TMEM132D: variants seen among roughly 807,000 people sequenced by gnomAD.
The protein encoded by TMEM132D is transmembrane protein 132D.
Under a neutral mutation model 62.3 loss-of-function variants are expected in TMEM132D, and 21 were observed. The ratio of observed to expected loss-of-function variants is 0.34; its 90% CI spans 0.24 to 0.49. The LOEUF (loss-of-function observed/expected upper bound fraction) is 0.49, where lower values mean the gene tolerates loss of function less well. Among genes scored for constraint, TMEM132D ranks in the 20% least tolerant of loss-of-function variants. The pLI, the probability that TMEM132D is intolerant of heterozygous loss-of-function variation, is 0.99. For synonymous variants in TMEM132D, 621 were observed against 575.6 expected (o/e 1.08, Z -1.13); for missense variants, 1,346 against 1,402.8 (o/e 0.96, Z 0.65).
At chr12:129,314,947 G>C (rs971695176) in intron 4 of TMEM132D, among the ~76,000 whole-genome samples, 1 of 151,956 alleles carries the variant, frequency 6.6e-6, no homozygotes, top group Admixed American at 6.6e-5. Flanking sequence ...TCTCCACTTG[G>C]TTGCTGTTGG....
At chr12:129,428,129 A>G (rs1482308626) in intron 3 of TMEM132D, among the ~76,000 whole-genome samples, 3 of 152,214 alleles carry the variant, frequency 2.0e-5, no homozygotes, top group Non-Finnish European at 4.4e-5. Context: ...AAAACCAGGA[A>G]GATGAAAGGT....
At chr12:129,686,189 G>A (rs940019064) in intron 2 of TMEM132D, among the ~76,000 whole-genome samples, 17 of 152,066 alleles carry the variant, frequency 1.1e-4, no homozygotes, top group Admixed American at 1.3e-4. Flanking sequence ...GAGAGGCCAG[G>A]GGTGGAATGA....
chr12:129,470,997 A>G (rs1874077706), intron 3 of TMEM132D, among the ~76,000 whole-genome samples: 1 of 152,140 alleles, frequency 6.6e-6, no homozygotes, highest in East Asian at 1.9e-4. Flanking sequence ...TGGGTGCATG[A>G]GCATTTCTGG....
intron 5 of TMEM132D, among the ~76,000 whole-genome samples, chr12:129,204,403 T>C (rs149797638): frequency 3.3e-5 from 5 of 152,246 alleles, no homozygotes; most frequent in Admixed American, 6.5e-5. Flanking sequence ...AAAAGCAGAA[T>C]AGACCTAGCT....
rs869069705 is a variant in TMEM132D at position 129,708,630 on chromosome 12, AAC to A, written c.80-7934_80-7933del. On this transcript the variant is annotated intron_variant, in intron 1 of 8. Coordinates refer to ENST00000422113, the MANE Select transcript of TMEM132D (RefSeq NM_133448.3). ...TCAGGTAAAAAAAAAAAAAAAAAAA[AAC>A]ACACACACACACACACACACACACA... is the stretch of plus-strand genomic sequence containing the variant. Among the ~76,000 whole-genome samples, 104 of 106,988 alleles carry A rather than the reference AAC, an allele frequency of 9.7e-4. 1 individual carries two copies. The highest frequency in any genetic ancestry group is 2.4e-3 in the African/African-American group (64 of 26,320). The allele number at this position is 106,988 out of a possible 152,430, so 70.2% of individuals were successfully genotyped here. A position where few individuals can be genotyped will look rare whatever the true frequency, so the allele number is the denominator to read the frequency against.
chr12:129,430,572 G>C (rs1331012973), intron 3 of TMEM132D, among the ~76,000 whole-genome samples: 4 of 152,078 alleles, frequency 2.6e-5, no homozygotes, highest in Non-Finnish European at 5.9e-5. Flanking sequence ...CAAAGAGCTA[G>C]ATTACAGGAT....
chr12:129,473,018 C>A (rs904368381), intron 3 of TMEM132D, among the ~76,000 whole-genome samples: 1 of 152,106 alleles, frequency 6.6e-6, no homozygotes, highest in Non-Finnish European at 1.5e-5. Context: ...GCATGTGCCA[C>A]CACGCCCGGC....
At chr12:129,682,478 C>G (rs1880801539) in intron 2 of TMEM132D, among the ~76,000 whole-genome samples, 1 of 152,154 alleles carries the variant, frequency 6.6e-6, no homozygotes, top group South Asian at 2.1e-4. Flanking sequence ...AGCAGGCAAA[C>G]ACAGCCCTTT....
At chr12:129,747,334 T>C (rs977777410) in intron 1 of TMEM132D, among the ~76,000 whole-genome samples, 1 of 152,020 alleles carries the variant, frequency 6.6e-6, no homozygotes, top group African/African-American at 2.4e-5. Flanking sequence ...TTCTAAAGTC[T>C]CCTTCAGGAC....
chr12:129,363,181 T>C (rs1870304832), intron 3 of TMEM132D, among the ~76,000 whole-genome samples: 1 of 152,188 alleles, frequency 6.6e-6, no homozygotes, highest in African/African-American at 2.4e-5. Flanking sequence ...CTTTGGTGTC[T>C]AGCCTTAGGG....
intron 1 of TMEM132D, among the ~76,000 whole-genome samples, chr12:129,705,529 A>G (rs919792881): frequency 2.4e-4 from 36 of 152,228 alleles, no homozygotes; most frequent in Non-Finnish European, 1.5e-5. Flanking sequence ...TTCTAACTGA[A>G]CAATTATCTA....
At chr12:129,843,932 T>TAA (rs71848349) in intron 1 of TMEM132D, among the ~76,000 whole-genome samples, 3 of 150,874 alleles carry the variant, frequency 2.0e-5, no homozygotes, top group Admixed American at 6.6e-5. Context: ...CTACAAAAAT[T>TAA]AAAAAAAAAA....
chr12:129,534,124 C>T (rs1465149021), intron 2 of TMEM132D, among the ~76,000 whole-genome samples: 1 of 152,202 alleles, frequency 6.6e-6, no homozygotes, highest in African/African-American at 2.4e-5. Context: ...TTGTTTATGA[C>T]AACTGAGTTA....
chr12:129,150,866 GC>G (rs1414934788), intron 5 of TMEM132D, among the ~76,000 whole-genome samples: 1 of 152,232 alleles, frequency 6.6e-6, no homozygotes, highest in Non-Finnish European at 1.5e-5. Flanking sequence ...GGTTTGGCCT[GC>G]CAGGGGTCCC....
At chr12:129,660,785 C>G (rs1243760582) in intron 2 of TMEM132D, among the ~76,000 whole-genome samples, 2 of 152,010 alleles carry the variant, frequency 1.3e-5, no homozygotes, top group African/African-American at 4.8e-5. Flanking sequence ...AGAGGCACAC[C>G]TAAGGGATTT....
At chr12:129,399,145 A>G (rs538983374) in intron 3 of TMEM132D, among the ~76,000 whole-genome samples, 4 of 150,188 alleles carry the variant, frequency 2.7e-5, no homozygotes, top group Non-Finnish European at 5.9e-5. Context: ...CTACTTCTGC[A>G]GTAGCTAACC....
chr12:129,351,812 A>G (rs1447306185), intron 3 of TMEM132D, among the ~76,000 whole-genome samples: 1 of 152,216 alleles, frequency 6.6e-6, no homozygotes. Flanking sequence ...GAAACTTGTT[A>G]ATCTCCCAGA....
At chr12:129,524,119 A>G (rs1006783881) in intron 3 of TMEM132D, among the ~76,000 whole-genome samples, 7 of 152,110 alleles carry the variant, frequency 4.6e-5, no homozygotes, top group African/African-American at 1.7e-4. Flanking sequence ...ATTAGGAGAT[A>G]TACCTAATGC....
At chr12:129,852,926 C>A (rs1873592960) in intron 1 of TMEM132D, 1 of 152,108 alleles carries the variant, frequency 6.6e-6, no homozygotes, top group South Asian at 2.1e-4. Context: ...TGAGATTGAC[C>A]ACTAAAAATT....
Sources: gnomAD v4.1 joint callset for allele counts (sites outside exome capture counted in the v4.1 genomes callset) on GRCh38, gnomAD v4.1.1 for gene constraint, MANE v1.5 for transcripts, NCBI Gene and HGNC (gene_info 2026-07-23, HGNC 2026-07-21) for gene names.